VAV2: variants seen among roughly 807,000 people sequenced by gnomAD.
The protein encoded by VAV2 is guanine nucleotide exchange factor VAV2.
In VAV2, 67 loss-of-function variants were observed where a neutral mutation model predicts 132.5. The observed-to-expected ratio is 0.51, with a 90% CI of 0.42 to 0.62. The LOEUF is 0.62. Among genes scored for constraint, VAV2 ranks in the 20% least tolerant of loss-of-function variants. The pLI is 0.00. For missense variants in VAV2, 938 were observed against 1,153.6 expected (o/e 0.81, Z 2.71); for synonymous variants, 492 against 443.5 (o/e 1.11, Z -1.37).
At chr9:133,838,295 T>C (rs1836550931) in intron 3 of VAV2, among the ~76,000 whole-genome samples, 1 of 151,576 alleles carries the variant, frequency 6.6e-6, no homozygotes, top group Non-Finnish European at 1.5e-5. Context: ...TCTCTCAGCT[T>C]GGGTCTGCCT....
At chr9:133,783,881 T>C (rs1834112615) in intron 18 of VAV2, among the ~76,000 whole-genome samples, 1 of 143,968 alleles carries the variant, frequency 6.9e-6, no homozygotes, top group African/African-American at 2.5e-5. Flanking sequence ...TGGGCCGTTT[T>C]TTTTTTTTTT....
chr9:133,979,505 CGCA>C lies in VAV2; in HGVS notation c.204+12567_204+12569del, dbSNP rs554171775. Among the ~76,000 whole-genome samples, 4 of 152,300 alleles carry C rather than the reference CGCA, an allele frequency of 2.6e-5. No homozygotes were observed. The East Asian group carries it at 7.7e-4, about 29-fold the overall frequency. Reference sequence around the variant, plus strand: ...CAGGGCAGCAGGAAGGAGCGGACGCCGCAGCCGTCCGGAACTCGGACAGAGGAT... The same window carrying C: ...CAGGGCAGCAGGAAGGAGCGGACGCCGCCGTCCGGAACTCGGACAGAGGAT... On this transcript the variant is annotated intron_variant, in intron 1 of 29. Transcript: ENST00000371850.
intron 3 of VAV2, among the ~76,000 whole-genome samples, chr9:133,843,095 G>A (rs929485601): frequency 6.6e-6 from 1 of 152,354 alleles, no homozygotes; most frequent in African/African-American, 2.4e-5. Context: ...ACCCAGCCCA[G>A]CAGGGCTATC....
At chr9:133,785,731 C>G (rs755210545) in intron 17 of VAV2, 45 bp downstream of exon 17, 1 of 1,587,086 alleles carries the variant, frequency 6.3e-7, no homozygotes, top group East Asian at 2.2e-5. Flanking sequence ...ACCCCCCATA[C>G]AACTCATCTG....
chr9:133,850,521 TG>T (rs1564404432), intron 3 of VAV2, among the ~76,000 whole-genome samples: 1 of 152,202 alleles, frequency 6.6e-6, no homozygotes, highest in African/African-American at 2.4e-5. Context: ...TGGACGGCTA[TG>T]GACTCCTTGG....
Position 133,777,988 on chromosome 9 carries a change from C to T in VAV2, c.1891-525G>A, listed in dbSNP as rs532499883. 6.8e-4 allele frequency among the ~76,000 whole-genome samples: 104 copies of T among 152,306 alleles called. 1 individual carries two copies. The highest frequency in any genetic ancestry group is 7.8e-4 in the Admixed American group (12 of 15,304). ...TCGAGGCCCCGTGGCGCTCTGCTGACCTGTGGGTCTTGGGGCTCCCTTGAG... is the reference window on the plus strand; with the variant it reads ...TCGAGGCCCCGTGGCGCTCTGCTGATCTGTGGGTCTTGGGGCTCCCTTGAG... On this transcript the variant is annotated intron_variant, in intron 22 of 29. Transcript: ENST00000371850.
chr9:133,784,216 C>T lies in VAV2; in HGVS notation c.1634+101G>A, dbSNP rs1334695352. 1.8e-5 allele frequency: 23 copies of T among 1,308,734 alleles called. No individual in the cohort carries two copies. In the East Asian group the frequency reaches 4.4e-4, roughly 25 times the overall value. 81.1% of individuals were successfully genotyped at this position (1,308,734 alleles called of 1,614,324 possible). A position where few individuals can be genotyped will look rare whatever the true frequency, so the allele number is the denominator to read the frequency against. ...GGTATACTCCCTTAACCCCTCAGGG[C>T]CTCCCACAGGGAACATGGGACAGAT... On this transcript the variant is annotated intron_variant, in intron 18 of 29. Coordinates refer to ENST00000371850, the MANE Select transcript of VAV2 (RefSeq NM_001134398.2).
At position 133,788,387 on chromosome 9, in the gene VAV2, G is replaced by A. The variant is rs767482575; in HGVS notation, c.1374C>T (p.Thr458=). The change falls in exon 15 of 30, where the codon ACC becomes ACT. Residue 458 remains threonine (T), a synonymous_variant. Coordinates refer to ENST00000371850, the MANE Select transcript of VAV2 (RefSeq NM_001134398.2). This position sits in a 1 kb window ranked among gnomAD's most constrained non-coding sequence, Gnocchi z 5.3. ...EIIELLFHKM[T]DDPMNNKDVK... is the part of the protein sequence containing the mutation. ...CGTCCTTGTTGTTCATGGGGTCGTC[G>A]GTCATCTTGTGGAACAGCAGCTCGA... is the stretch of plus-strand genomic sequence containing the variant. The A allele has an allele frequency of 1.1e-5, 18 of 1,611,122 alleles. No individual in the cohort carries two copies. The highest frequency in any genetic ancestry group is 6.6e-5 in the South Asian group (6 of 91,004).
At chr9:133,983,782 G>A (rs1264439989) in intron 1 of VAV2, among the ~76,000 whole-genome samples, 6 of 151,982 alleles carry the variant, frequency 3.9e-5, no homozygotes, top group African/African-American at 1.2e-4. Context: ...CTAACAGCCA[G>A]GGCTCCCACC....
intron 2 of VAV2, among the ~76,000 whole-genome samples, chr9:133,888,734 G>C (rs2131963160): frequency 6.6e-6 from 1 of 152,342 alleles, no homozygotes; most frequent in African/African-American, 2.4e-5. Context: ...TCATGAGCCT[G>C]AGCCGACTGA....
chr9:133,964,160 C>A (rs1225218704), intron 1 of VAV2, among the ~76,000 whole-genome samples: 1 of 149,302 alleles, frequency 6.7e-6, no homozygotes. Context: ...GAGTTCAAGA[C>A]CAGTCTGAGC....
Position 133,834,319 on chromosome 9 carries a change from G to A in VAV2, c.402C>T (p.Thr134=), listed in dbSNP as rs1836377949. The stretch of plus-strand genomic sequence containing the variant: ...GGTAGACGTCATCGTCATTCTCTGT[G>A]GTCTCCTCTGAGGGAAAAGGCCTGC... ...KGIRPFPSEE[T]TENDDDVYRS... Residue 134 remains threonine (T), a synonymous_variant, in exon 4 of 30, where the codon ACC becomes ACT. Coordinates refer to ENST00000371850, the MANE Select transcript of VAV2 (RefSeq NM_001134398.2). This position sits in a 1 kb window ranked among gnomAD's most constrained non-coding sequence, Gnocchi z 5.9. The A allele has an allele frequency of 1.2e-6, 2 of 1,612,712 alleles. No individual in the cohort carries two copies. Among genetic ancestry groups the A allele is most frequent in the South Asian group, 2.2e-5 (2 of 90,736 alleles).
chr9:133,862,151 G>A (rs1192288304), intron 2 of VAV2, among the ~76,000 whole-genome samples: 1 of 152,228 alleles, frequency 6.6e-6, no homozygotes, highest in African/African-American at 2.4e-5. Flanking sequence ...CCCCTAACCG[G>A]CCTGCCCCGT....
intron 2 of VAV2, among the ~76,000 whole-genome samples, chr9:133,888,124 C>CAGGACTCTCTTACATGAGGCCCCT (rs1838786472): frequency 1.1e-4 from 17 of 152,106 alleles, no homozygotes; most frequent in African/African-American, 4.1e-4. Context: ...AGGAGGTCCC[C>CAGGACTCTCTTACATGAGGCCCCT]GCAGGACTCT....
intron 1 of VAV2, among the ~76,000 whole-genome samples, chr9:133,987,593 G>A (rs1842896358): frequency 6.6e-6 from 1 of 152,268 alleles, no homozygotes; most frequent in South Asian, 2.1e-4. Context: ...GCAGGCCCAG[G>A]GCCAAGCCTT....
chr9:133,768,713 CAG>C lies in VAV2; in HGVS notation c.2435-119_2435-118del. 1 of 1,303,706 alleles carries C rather than the reference CAG, an allele frequency of 7.7e-7. No individual in the cohort carries two copies. The highest frequency in any genetic ancestry group is 1.0e-6 in the Non-Finnish European group (1 of 971,058). The allele number at this position is 1,303,706 out of a possible 1,614,324, so 80.8% of individuals were successfully genotyped here. ...GGTGCCCAGAACCCTGCTCTGTACC[CAG>C]AGAGGAAGGATGTCAAGCAGAAAGG... On this transcript the variant is annotated intron_variant, in intron 28 of 29. Coordinates refer to ENST00000371850, the MANE Select transcript of VAV2 (RefSeq NM_001134398.2). This position sits in a 1 kb window ranked among gnomAD's most constrained non-coding sequence, Gnocchi z 5.3.
intron 1 of VAV2, among the ~76,000 whole-genome samples, chr9:133,959,057 GGCC>G (rs1397622976): frequency 1.9e-3 from 37 of 19,196 alleles, no homozygotes; most frequent in Admixed American, 0.016. Flanking sequence ...CAGGGGCCCA[GGCC>G]CAGGCAGGGC....
At chr9:133,984,688 CCT>C (rs1241424858) in intron 1 of VAV2, among the ~76,000 whole-genome samples, 2 of 152,024 alleles carry the variant, frequency 1.3e-5, no homozygotes, top group African/African-American at 4.8e-5. Context: ...CAGTAATGCC[CCT>C]GTTGAAAATG....
intron 3 of VAV2, among the ~76,000 whole-genome samples, chr9:133,835,718 C>T (rs970556731): frequency 3.3e-5 from 5 of 152,154 alleles, no homozygotes; most frequent in Non-Finnish European, 7.4e-5. Context: ...ACGCGCGGTC[C>T]GTCCCGGCAG....
Sources: allele counts gnomAD v4.1 joint callset (sites outside exome capture counted in the v4.1 genomes callset), GRCh38; gene constraint gnomAD v4.1.1; non-coding constraint Gnocchi (gnomAD v3.1); transcripts MANE v1.5; gene names NCBI Gene and HGNC (gene_info 2026-07-23, HGNC 2026-07-21).